AGBL1: variants seen among roughly 807,000 people sequenced by gnomAD.
AGBL1 encodes AGBL carboxypeptidase 1, also known as cytosolic carboxypeptidase 4.
A neutral mutation model predicts 118.9 loss-of-function variants in AGBL1; 130 were observed. The observed-to-expected ratio is 1.09, with a 90% CI of 0.95 to 1.26. The LOEUF (loss-of-function observed/expected upper bound fraction) is 1.26, where lower values mean the gene tolerates loss of function less well. Among genes scored for constraint, AGBL1 ranks in the 50% most tolerant of loss-of-function variants. The pLI, the probability that AGBL1 is intolerant of heterozygous loss-of-function variation, is 0.00. For missense variants in AGBL1, 1,584 were observed against 1,298.1 expected, an observed-to-expected ratio of 1.22 and a Z score of -3.38; for synonymous variants, 555 against 478.9, an observed-to-expected ratio of 1.16 and a Z score of -2.08.
chr15:86,743,625 G>A (rs1567151731), intron 22 of AGBL1, among the ~76,000 whole-genome samples: 1 of 152,220 alleles, frequency 6.6e-6, no homozygotes, highest in East Asian at 1.9e-4. Context: ...AGATTCCCAG[G>A]TTTCACTTTC....
chr15:86,678,010 C>T (rs2085880060), intron 22 of AGBL1, among the ~76,000 whole-genome samples: 1 of 152,068 alleles, frequency 6.6e-6, no homozygotes, highest in African/African-American at 2.4e-5. Context: ...TTTAAATTGA[C>T]AGATAAAATT....
At chr15:86,985,263 G>T (rs1371011839) in intron 23 of AGBL1, among the ~76,000 whole-genome samples, 1 of 152,146 alleles carries the variant, frequency 6.6e-6, no homozygotes, top group East Asian at 1.9e-4. Context: ...ATCTGGTAAT[G>T]AAATGTCTGG....
chr15:86,701,401 T>A (rs890872256), intron 22 of AGBL1, among the ~76,000 whole-genome samples: 3 of 152,056 alleles, frequency 2.0e-5, no homozygotes, highest in Admixed American at 6.6e-5. Context: ...AAATCCTTCA[T>A]AAATAGTTGA....
intron 18 of AGBL1, among the ~76,000 whole-genome samples, chr15:86,494,318 C>T (rs187997402): frequency 6.6e-6 from 1 of 152,160 alleles, no homozygotes; most frequent in African/African-American, 2.4e-5. Context: ...TAAAATTACC[C>T]TTATGGTTAC....
At chr15:87,010,300 A>G (rs1022407787) in intron 24 of AGBL1, among the ~76,000 whole-genome samples, 2 of 152,132 alleles carry the variant, frequency 1.3e-5, no homozygotes, top group African/African-American at 4.8e-5. Flanking sequence ...CCCTCCATGT[A>G]AGATTGACTT....
At chr15:86,730,532 C>G (rs1291051609) in intron 22 of AGBL1, among the ~76,000 whole-genome samples, 1 of 152,046 alleles carries the variant, frequency 6.6e-6, no homozygotes, top group African/African-American at 2.4e-5. Context: ...TCCATCATCC[C>G]AGGCTTATTC....
At chr15:86,159,308 C>T (rs1421721066) in intron 5 of AGBL1, among the ~76,000 whole-genome samples, 1 of 152,098 alleles carries the variant, frequency 6.6e-6, no homozygotes, top group Non-Finnish European at 1.5e-5. Context: ...CCTGTGGTAG[C>T]AAATAGTAGA....
intron 21 of AGBL1, among the ~76,000 whole-genome samples, chr15:86,567,503 G>T (rs567531003): frequency 7.9e-5 from 12 of 152,330 alleles, no homozygotes; most frequent in African/African-American, 2.9e-4. Flanking sequence ...ATGAAGAGTT[G>T]AGGCAGGGAA....
At position 86,522,882 on chromosome 15, in the gene AGBL1, C is replaced by G. The variant is rs577800916; in HGVS notation, c.2628C>G (p.Thr876=). 4 of 1,613,974 alleles carry G rather than the reference C, an allele frequency of 2.5e-6. No individual in the cohort carries two copies. The African/African-American group carries it at 5.3e-5, about 22-fold the overall frequency. ...CTCCCAGTGCTCATCTGCAGCCAACCATTTACCATGCCAAAGGCCTCCTCT... is the reference window on the plus strand; with the variant it reads ...CTCCCAGTGCTCATCTGCAGCCAACGATTTACCATGCCAAAGGCCTCCTCT... The part of the protein sequence containing the change: ...WLSPSAHLQP[T]IYHAKGLLYH... Residue 876 remains threonine, a synonymous_variant, in exon 19 of 23, where the codon ACC becomes ACG. Transcript: ENST00000614907.
At chr15:86,328,126 G>T (rs561718163) in intron 17 of AGBL1, among the ~76,000 whole-genome samples, 1 of 152,096 alleles carries the variant, frequency 6.6e-6, no homozygotes, top group Admixed American at 6.6e-5. Context: ...TGTTCCTATG[G>T]ATATTTGTTT....
intron 22 of AGBL1, among the ~76,000 whole-genome samples, chr15:86,712,686 T>C: frequency 6.6e-6 from 1 of 152,186 alleles, no homozygotes; most frequent in East Asian, 1.9e-4. Context: ...GCTATTCTAT[T>C]AGTCCTGGGA....
At chr15:87,001,982 A>T (rs1338675442) in intron 24 of AGBL1, among the ~76,000 whole-genome samples, 4 of 151,968 alleles carry the variant, frequency 2.6e-5, no homozygotes, top group African/African-American at 9.7e-5. Flanking sequence ...CTTTAGTTTA[A>T]TTAGATCCCA....
intron 22 of AGBL1, among the ~76,000 whole-genome samples, chr15:86,781,170 C>T (rs1262116225): frequency 6.6e-6 from 1 of 151,884 alleles, no homozygotes; most frequent in Non-Finnish European, 1.5e-5. Flanking sequence ...CAAGTTCTCT[C>T]TGTCATTACC....
chr15:86,152,951 C>A (rs2077134825), intron 3 of AGBL1, among the ~76,000 whole-genome samples: 1 of 152,142 alleles, frequency 6.6e-6, no homozygotes, highest in South Asian at 2.1e-4. Flanking sequence ...CAAATCAAAA[C>A]CACAATGAGA....
Position 86,090,525 on chromosome 15 carries a change from G to A in AGBL1, c.51+10502G>A, listed in dbSNP as rs369460925. 1.2e-4 allele frequency among the ~76,000 whole-genome samples: 19 copies of A among 152,138 alleles called. No individual in the cohort carries two copies. In the East Asian group the frequency reaches 3.3e-3, roughly 26 times the overall value. Reference sequence around the variant, plus strand: ...CAATTTGCTTTTCCTGCATACCAATGTACTTGAACATTTTTCATGCCAAGA... The same window carrying A: ...CAATTTGCTTTTCCTGCATACCAATATACTTGAACATTTTTCATGCCAAGA... On this transcript the variant is annotated intron_variant, in intron 1 of 22. Transcript: ENST00000614907.
chr15:86,839,672 G>A (rs2079218408), intron 22 of AGBL1, among the ~76,000 whole-genome samples: 1 of 152,084 alleles, frequency 6.6e-6, no homozygotes, highest in African/African-American at 2.4e-5. Context: ...AACTAAATAT[G>A]ACAACTAAAT....
At chr15:86,619,775 T>G (rs923101462) in intron 21 of AGBL1, among the ~76,000 whole-genome samples, 2 of 152,200 alleles carry the variant, frequency 1.3e-5, no homozygotes, top group Non-Finnish European at 2.9e-5. Flanking sequence ...GAGGGCTCAC[T>G]GCAGACCTGG....
At position 86,784,024 on chromosome 15, in the gene AGBL1, G is replaced by A. The variant is rs80289001; in HGVS notation, c.3158+109588G>A. Among the ~76,000 whole-genome samples the A allele has an allele frequency of 4.0e-3, 612 of 152,284 alleles. 7 individuals carry two copies. The highest frequency in any genetic ancestry group is 0.013 in the African/African-American group (557 of 41,540). ...ACATGGATTTTGAGGTCAGAGTGAC[G>A]TGAGATTAAATCCCTGCCCTAATGT... is the stretch of plus-strand genomic sequence containing the variant. On this transcript the variant is annotated intron_variant, in intron 22 of 22. Transcript: ENST00000614907.
chr15:86,258,719 T>C (rs1419590688), intron 9 of AGBL1, among the ~76,000 whole-genome samples: 2 of 152,184 alleles, frequency 1.3e-5, no homozygotes, highest in African/African-American at 4.8e-5. Context: ...AGAAATTTTT[T>C]TTTTTGAGAC....
Sources: gnomAD v4.1 joint callset for allele counts (sites outside exome capture counted in the v4.1 genomes callset) on GRCh38, gnomAD v4.1.1 for gene constraint, MANE v1.5 for transcripts, NCBI Gene and HGNC (gene_info 2026-07-23, HGNC 2026-07-21) for gene names.